HTATIP2: variants seen among roughly 807,000 people sequenced by gnomAD.
HTATIP2 encodes HIV-1 Tat interactive protein 2.
Under a neutral mutation model 24.7 loss-of-function variants are expected in HTATIP2, and 26 were observed. The ratio of observed to expected loss-of-function variants is 1.05; its 90% CI spans 0.77 to 1.46. HTATIP2 has a LOEUF of 1.46. HTATIP2 is among the 40% of genes most tolerant of loss of function. HTATIP2 has a pLI of 0.00. For missense variants in HTATIP2, 284 were observed against 289.6 expected, an observed-to-expected ratio of 0.98 and a Z score of 0.14; for synonymous variants, 99 against 113.2, an observed-to-expected ratio of 0.87 and a Z score of 0.79.
chr11:20,367,145 A>G, intron 1 of HTATIP2, 29 bp from the exon 2 acceptor site: 1 of 1,610,114 alleles, frequency 6.2e-7, no homozygotes, highest in South Asian at 1.1e-5. Context: ...AAATAACATG[A>G]AACTACATAC....
chr11:20,374,274 T>C (rs1025053370), intron 2 of HTATIP2, among the ~76,000 whole-genome samples: 2 of 152,256 alleles, frequency 1.3e-5, no homozygotes, highest in Non-Finnish European at 2.9e-5. Context: ...AGTTAAAAAA[T>C]CTGCATGGGC....
intron 2 of HTATIP2, among the ~76,000 whole-genome samples, chr11:20,373,141 T>A (rs574052935): frequency 6.6e-6 from 1 of 152,290 alleles, no homozygotes; most frequent in South Asian, 2.1e-4. Flanking sequence ...GAGAAAGGTA[T>A]GGGCACCTTG....
At position 20,376,560 on chromosome 11, in the gene HTATIP2, C is replaced by G; in HGVS notation, c.304-20C>G. On this transcript the variant is annotated intron_variant, in intron 2 of 4. Transcript: ENST00000451739. ...AACTTGCTGCTTTTTGGAAATAACT[C>G]ATGTCCTTTTCCCCCTTAGGAGGGA... The G allele has an allele frequency of 6.2e-7, 1 of 1,613,492 alleles. No individual in the cohort carries two copies. Among genetic ancestry groups the G allele is most frequent in the East Asian group, 2.2e-5 (1 of 44,858 alleles).
intron 2 of HTATIP2, 45 bp downstream of exon 2, chr11:20,367,326 A>C (rs747808761): frequency 8.0e-5 from 129 of 1,613,102 alleles, no homozygotes; most frequent in Non-Finnish European, 1.0e-4. Flanking sequence ...GGCCAGTAAT[A>C]TCAAGGATTC....
At chr11:20,375,695 C>T (rs1476113506) in intron 2 of HTATIP2, among the ~76,000 whole-genome samples, 1 of 152,176 alleles carries the variant, frequency 6.6e-6, no homozygotes, top group Non-Finnish European at 1.5e-5. Flanking sequence ...TTGTCTTCAG[C>T]TGTCTTGGGT....
At chr11:20,376,490 G>A in intron 2 of HTATIP2, 90 bp from the exon 3 acceptor site, 1 of 1,395,548 alleles carries the variant, frequency 7.2e-7, no homozygotes, top group South Asian at 1.2e-5. Flanking sequence ...CATCCTTCTA[G>A]GCCTCCCAGC....
Position 20,363,960 on chromosome 11 carries a change from G to A in HTATIP2, c.-278G>A. On this transcript the variant is annotated 5_prime_UTR_variant, in exon 1 of 5. Coordinates refer to ENST00000451739, the MANE Select transcript of HTATIP2 (RefSeq NM_001098522.2). ...CGAGCTGGGCCAGGTCTCCTGGCCG[G>A]GCCGGGGATACCGTGGGGTATGCCC... 8.0e-7 allele frequency: 1 copy of A among 1,244,360 alleles called. No homozygotes were observed. The highest frequency in any genetic ancestry group is 1.0e-6 in the Non-Finnish European group (1 of 992,336). The allele number at this position is 1,244,360 out of a possible 1,614,324, so 77.1% of individuals were successfully genotyped here.
rs909232805 is a variant in HTATIP2 at position 20,363,806 on chromosome 11, G to T, written c.-432G>T. On this transcript the variant is annotated 5_prime_UTR_variant, in exon 1 of 5. An upstream start codon of the reference 5' UTR is lost. Transcript: ENST00000451739. ...CCGGTCCGACCAGGGAAGGTGGGATGCTCTGATGGCCGGGCCTGCGGCGCT... is the reference window on the plus strand; with the variant it reads ...CCGGTCCGACCAGGGAAGGTGGGATTCTCTGATGGCCGGGCCTGCGGCGCT... The T allele has an allele frequency of 1.8e-5, 23 of 1,245,002 alleles. No individual in the cohort carries two copies. The highest frequency in any genetic ancestry group is 2.1e-5 in the Non-Finnish European group (21 of 989,550). The allele number at this position is 1,245,002 out of a possible 1,614,324, so 77.1% of individuals were successfully genotyped here. A position where few individuals can be genotyped will look rare whatever the true frequency, so the allele number is the denominator to read the frequency against.
At chr11:20,381,213 T>A (rs1039835221) in intron 3 of HTATIP2, among the ~76,000 whole-genome samples, 1 of 149,888 alleles carries the variant, frequency 6.7e-6, no homozygotes, top group Non-Finnish European at 1.5e-5. Flanking sequence ...CTGAGGCGGG[T>A]GGATCACTTG....
rs143261552 is a variant in HTATIP2, at chr11:20,382,983, T to C, written c.507T>C (p.Val169=). 56 of 1,608,468 alleles carry C rather than the reference T, an allele frequency of 3.5e-5. No homozygotes were observed. In the African/African-American group the frequency reaches 6.0e-4, roughly 17 times the overall value. The change falls in exon 5 of 5, where the codon GTT becomes GTC. Residue 169 remains valine, a synonymous_variant. Transcript: ENST00000451739. The part of the protein sequence containing the change: ...FDRYSVFRPG[V]LLCDRQESRP... ...TTTTTTTTTTTTTTTATTTTAGAGT[T>C]CTGTTATGTGATAGGCAAGAATCTC...
chr11:20,367,143 T>C (rs761245187), intron 1 of HTATIP2, 31 bp from the exon 2 acceptor site: 4 of 1,609,500 alleles, frequency 2.5e-6, no homozygotes, highest in South Asian at 1.1e-5. Context: ...TTAAATAACA[T>C]GAAACTACAT....
intron 2 of HTATIP2, among the ~76,000 whole-genome samples, chr11:20,371,933 G>A (rs891711079): frequency 6.6e-6 from 1 of 152,018 alleles, no homozygotes; most frequent in African/African-American, 2.4e-5. Flanking sequence ...CAAACAAAAG[G>A]TGCCTCAGAT....
intron 2 of HTATIP2, chr11:20,367,551 TACATCCC>T: frequency 7.0e-7 from 1 of 1,419,852 alleles, no homozygotes; most frequent in Non-Finnish European, 9.1e-7. Flanking sequence ...TCGCTATCAC[TACATCCC>T]CTGACTAAGG....
chr11:20,366,462 A>T (rs556912838), intron 1 of HTATIP2, among the ~76,000 whole-genome samples: 1 of 152,240 alleles, frequency 6.6e-6, no homozygotes, highest in South Asian at 2.1e-4. Context: ...ATGGAAACCA[A>T]CATTTTATCG....
chr11:20,365,481 TAGAA>T (rs1565180902), intron 1 of HTATIP2, among the ~76,000 whole-genome samples: 14 of 152,338 alleles, frequency 9.2e-5, no homozygotes, highest in South Asian at 2.1e-4. Flanking sequence ...ACAGGTTTCA[TAGAA>T]AGAACATTTC....
chr11:20,378,393 T>C (rs1205362069), intron 3 of HTATIP2, among the ~76,000 whole-genome samples: 1 of 152,056 alleles, frequency 6.6e-6, no homozygotes, highest in Admixed American at 6.6e-5. Flanking sequence ...AACCTCAGAT[T>C]CCTGGGCTCA....
At position 20,382,195 on chromosome 11, in the gene HTATIP2, G is replaced by A; in HGVS notation, c.459G>A (p.Lys153=). ...YLQVKGEVEA[K]VEELKFDRYS... ...CTTAATAGGGAGAAGTAGAAGCCAA[G>A]GTTGAAGAATTAAAATTTGATCGTT... The change falls in exon 4 of 5, where the codon AAG becomes AAA. Residue 153 remains lysine, a synonymous_variant. Coordinates refer to ENST00000451739, the MANE Select transcript of HTATIP2 (RefSeq NM_001098522.2). The A allele has an allele frequency of 6.3e-7, 1 of 1,594,208 alleles. No homozygotes were observed. The highest frequency in any genetic ancestry group is 8.6e-7 in the Non-Finnish European group (1 of 1,161,932).
Position 20,366,104 on chromosome 11 carries a change from T to C in HTATIP2, c.196-1070T>C, listed in dbSNP as rs189493976. ...TTTTTCTTTTCTTTTCTTTTCTTTT[T>C]TTTTTTTTTTTTTTTGAGATGGAGT... On this transcript the variant is annotated intron_variant, in intron 1 of 4. Coordinates refer to ENST00000451739, the MANE Select transcript of HTATIP2 (RefSeq NM_001098522.2). 4.5e-3 allele frequency among the ~76,000 whole-genome samples: 580 copies of C among 129,100 alleles called. 6 individuals are homozygous for C. The highest frequency in any genetic ancestry group is 0.035 in the Admixed American group (435 of 12,584). 84.7% of individuals were successfully genotyped at this position (129,100 alleles called of 152,430 possible). A position where few individuals can be genotyped will look rare whatever the true frequency, so the allele number is the denominator to read the frequency against.
At chr11:20,374,394 C>T (rs565153221) in intron 2 of HTATIP2, among the ~76,000 whole-genome samples, 4 of 152,312 alleles carry the variant, frequency 2.6e-5, no homozygotes, top group South Asian at 2.1e-4. Flanking sequence ...AAGTCTGACA[C>T]GGGTTTACCT....
Sources: gnomAD v4.1 joint callset for allele counts (sites outside exome capture counted in the v4.1 genomes callset) on GRCh38, gnomAD v4.1.1 for gene constraint, MANE v1.5 for transcripts, NCBI Gene and HGNC (gene_info 2026-07-23, HGNC 2026-07-21) for gene names.